Variants in PDZRN4 observed in about 807,000 individuals in gnomAD.
PDZRN4 encodes PDZ domain containing ring finger 4.
In PDZRN4, 70 loss-of-function variants were observed where a neutral mutation model predicts 99.0. The ratio of observed to expected loss-of-function variants is 0.71; its 90% CI spans 0.58 to 0.86. The LOEUF (loss-of-function observed/expected upper bound fraction) is 0.86, where lower values mean the gene tolerates loss of function less well. Ranked by LOEUF, PDZRN4 falls within the 40% of genes least tolerant of loss-of-function variation. The pLI is 0.00. For synonymous variants in PDZRN4, 551 were observed against 501.6 expected (o/e 1.10, Z -1.32); for missense variants, 1,474 against 1,331.2 (o/e 1.11, Z -1.67).
intron 3 of PDZRN4, among the ~76,000 whole-genome samples, chr12:41,472,347 T>C (rs1953001924): frequency 4.6e-5 from 7 of 152,226 alleles, no homozygotes; most frequent in Admixed American, 4.6e-4. Context: ...AAATATTTAA[T>C]ATCACACAGT....
intron 7 of PDZRN4, among the ~76,000 whole-genome samples, chr12:41,561,971 A>T (rs951800790): frequency 6.6e-6 from 1 of 152,170 alleles, no homozygotes; most frequent in African/African-American, 2.4e-5. Context: ...CCTTGGAGTC[A>T]GTACACACAT....
intron 3 of PDZRN4, among the ~76,000 whole-genome samples, chr12:41,257,485 G>A (rs1011278096): frequency 1.3e-5 from 2 of 152,164 alleles, no homozygotes; most frequent in Admixed American, 1.3e-4. Flanking sequence ...GCAATGGTGA[G>A]TCAACTGCAC....
chr12:41,226,059 G>T (rs1291116326), intron 3 of PDZRN4, among the ~76,000 whole-genome samples: 5 of 151,962 alleles, frequency 3.3e-5, no homozygotes, highest in African/African-American at 1.2e-4. Flanking sequence ...TGTCTTGAAA[G>T]GTTCGTACTG....
At chr12:41,561,276 A>G (rs1350127027) in intron 7 of PDZRN4, among the ~76,000 whole-genome samples, 1 of 152,142 alleles carries the variant, frequency 6.6e-6, no homozygotes, top group Non-Finnish European at 1.5e-5. Context: ...ATTTAGCACG[A>G]AAGAGTCTTG....
At chr12:41,504,264 T>A (rs143361739) in intron 3 of PDZRN4, among the ~76,000 whole-genome samples, 3,216 of 151,742 alleles carry the variant, frequency 0.021, 108 homozygotes, top group African/African-American at 0.072. Flanking sequence ...CAAGACTCCA[T>A]CTCAAAAAAT....
intron 3 of PDZRN4, among the ~76,000 whole-genome samples, chr12:41,413,937 G>A (rs987075807): frequency 6.6e-6 from 1 of 152,092 alleles, no homozygotes; most frequent in East Asian, 1.9e-4. Flanking sequence ...GTGTGGTTTT[G>A]TAGTAGCAGG....
At chr12:41,350,648 A>G (rs1918224) in intron 3 of PDZRN4, among the ~76,000 whole-genome samples, 3,976 of 152,226 alleles carry the variant, frequency 0.026, 183 homozygotes, top group African/African-American at 0.089. Flanking sequence ...ATTTCTGCCA[A>G]AATGAAATAT....
At chr12:41,519,574 A>G (rs1318383386) in intron 5 of PDZRN4, among the ~76,000 whole-genome samples, 1 of 149,844 alleles carries the variant, frequency 6.7e-6, no homozygotes, top group Non-Finnish European at 1.5e-5. Context: ...TGATCGTGTC[A>G]CTCCTCTGCT....
intron 7 of PDZRN4, among the ~76,000 whole-genome samples, chr12:41,556,219 T>G (rs1316634341): frequency 2.0e-5 from 3 of 152,260 alleles, no homozygotes; most frequent in Admixed American, 2.0e-4. Flanking sequence ...CCAGAATAAA[T>G]TAAGTGAACA....
chr12:41,228,936 G>A (rs907990774), intron 3 of PDZRN4, among the ~76,000 whole-genome samples: 9 of 152,010 alleles, frequency 5.9e-5, no homozygotes, highest in East Asian at 1.9e-4. Flanking sequence ...TTATGCTGGA[G>A]TATCAGCCTG....
At chr12:41,235,717 A>G (rs1013141031) in intron 3 of PDZRN4, among the ~76,000 whole-genome samples, 1 of 152,232 alleles carries the variant, frequency 6.6e-6, no homozygotes, top group Non-Finnish European at 1.5e-5. Context: ...ACCAAACCAC[A>G]TACACGCGGG....
intron 3 of PDZRN4, among the ~76,000 whole-genome samples, chr12:41,462,523 T>A (rs979639691): frequency 1.3e-5 from 2 of 152,204 alleles, no homozygotes; most frequent in African/African-American, 4.8e-5. Context: ...CAGTTAGTCA[T>A]TCCTTCAGAA....
At chr12:41,504,224 C>T (rs1428448300) in intron 3 of PDZRN4, among the ~76,000 whole-genome samples, 7 of 151,986 alleles carry the variant, frequency 4.6e-5, no homozygotes, top group Non-Finnish European at 7.4e-5. Context: ...GCTGAGATCA[C>T]GCCACTGTAC....
In PDZRN4 at chr12:41,486,964, T is replaced by G. The variant is rs565800872; in HGVS notation, c.844-19492T>G. Among the ~76,000 whole-genome samples, 35 of 152,256 alleles carry G rather than the reference T, an allele frequency of 2.3e-4. No individual in the cohort carries two copies. In the South Asian group the frequency reaches 7.3e-3, roughly 32 times the overall value. ...GCATTCCTTACCTCTTAATTAAATC[T>G]TCATTCCAATGTCTAGCACCATCTC... On this transcript the variant is annotated intron_variant, in intron 3 of 9. Coordinates refer to ENST00000402685, the MANE Select transcript of PDZRN4 (RefSeq NM_001164595.2).
chr12:41,283,598 C>A (rs545976107), intron 3 of PDZRN4, among the ~76,000 whole-genome samples: 16 of 152,230 alleles, frequency 1.1e-4, no homozygotes, highest in African/African-American at 3.9e-4. Context: ...AACATCAATG[C>A]GAAAATCCTC....
chr12:41,296,343 A>G (rs1951493627), intron 3 of PDZRN4, among the ~76,000 whole-genome samples: 1 of 152,226 alleles, frequency 6.6e-6, no homozygotes, highest in South Asian at 2.1e-4. Flanking sequence ...AAGCAAAAGT[A>G]GACAGGTCAA....
At position 41,304,409 on chromosome 12, in the gene PDZRN4, A is replaced by G. The variant is rs147872263; in HGVS notation, c.843+110221A>G. On this transcript the variant is annotated intron_variant, in intron 3 of 9. Transcript: ENST00000402685. ...CTTATCTCAAAGCAATGTTTCTCAA[A>G]CTGTTTTTTAAATTATCTTCACCTA... is the stretch of plus-strand genomic sequence containing the variant. Among the ~76,000 whole-genome samples the G allele has an allele frequency of 6.6e-5, 10 of 152,250 alleles. No individual in the cohort carries two copies. The East Asian group carries it at 1.9e-3, about 29-fold the overall frequency.
chr12:41,489,591 C>T (rs1396477405), intron 3 of PDZRN4, among the ~76,000 whole-genome samples: 1 of 151,868 alleles, frequency 6.6e-6, no homozygotes, highest in East Asian at 1.9e-4. Context: ...GCAGTCAACT[C>T]GTCCTTCTCT....
intron 3 of PDZRN4, among the ~76,000 whole-genome samples, chr12:41,354,456 A>T (rs1190664472): frequency 2.6e-5 from 4 of 151,946 alleles, no homozygotes; most frequent in South Asian, 4.1e-4. Context: ...ATTCATATGA[A>T]TTTTTACCTA....
Sources: gnomAD v4.1 joint callset for allele counts (sites outside exome capture counted in the v4.1 genomes callset) on GRCh38, gnomAD v4.1.1 for gene constraint, MANE v1.5 for transcripts, NCBI Gene and HGNC (gene_info 2026-07-23, HGNC 2026-07-21) for gene names.